MCUB: variants seen among roughly 807,000 people sequenced by gnomAD.
MCUB encodes mitochondrial calcium uniporter dominant negative subunit beta.
In MCUB, 46 loss-of-function variants were observed where a neutral mutation model predicts 41.4. The observed-to-expected ratio is 1.11, with a 90% CI of 0.88 to 1.42. MCUB has a LOEUF of 1.42. MCUB is among the 40% of genes most tolerant of loss of function. The pLI, the probability that MCUB is intolerant of heterozygous loss-of-function variation, is 0.00. For synonymous variants in MCUB, 148 were observed against 148.2 expected, an observed-to-expected ratio of 1.00 and a Z score of 0.01; for missense variants, 403 against 404.9, an observed-to-expected ratio of 1.00 and a Z score of 0.04.
intron 1 of MCUB, 24 bp from the exon 2 acceptor site, chr4:109,658,987 C>G (rs1204467808): frequency 7.4e-7 from 1 of 1,352,336 alleles, no homozygotes. Context: ...TTTAAAAAAA[C>G]AAATTAATTT....
rs949843308 is a variant in MCUB at position 109,610,967 on chromosome 4, A to C, written c.100-48044A>C. Among the ~76,000 whole-genome samples, 3 of 152,204 alleles carry C rather than the reference A, an allele frequency of 2.0e-5. No individual in the cohort carries two copies. In the South Asian group the frequency reaches 6.2e-4, roughly 31 times the overall value. The stretch of plus-strand genomic sequence containing the variant: ...TGATGAGAATCAATGGAAATTTTGT[A>C]TGTGGGTGGCAGGTTTCACCCCATA... On this transcript the variant is annotated intron_variant, in intron 1 of 7. Coordinates refer to ENST00000394650, the MANE Select transcript of MCUB (RefSeq NM_017918.5).
At chr4:109,599,358 TTA>T in intron 1 of MCUB, among the ~76,000 whole-genome samples, 1 of 151,744 alleles carries the variant, frequency 6.6e-6, no homozygotes, top group African/African-American at 2.4e-5. Context: ...ATCTTGGGAG[TTA>T]TGAAGACCAC....
At chr4:109,643,312 G>A (rs796199847) in intron 1 of MCUB, among the ~76,000 whole-genome samples, 46 of 151,134 alleles carry the variant, frequency 3.0e-4, no homozygotes, top group African/African-American at 1.0e-3. Context: ...AGCCTCCTGA[G>A]TAGCTGGGAT....
At chr4:109,574,540 C>T (rs1238530066) in intron 1 of MCUB, among the ~76,000 whole-genome samples, 1 of 152,170 alleles carries the variant, frequency 6.6e-6, no homozygotes, top group East Asian at 1.9e-4. Context: ...AAAATCTTTT[C>T]CTCCGTCAGT....
chr4:109,598,455 G>T (rs1000205720), intron 1 of MCUB, among the ~76,000 whole-genome samples: 1 of 151,870 alleles, frequency 6.6e-6, no homozygotes, highest in South Asian at 2.1e-4. Context: ...AACCAGTCAG[G>T]CGTGGCAGCG....
intron 1 of MCUB, among the ~76,000 whole-genome samples, chr4:109,608,758 C>G (rs1329649120): frequency 6.6e-6 from 1 of 152,116 alleles, no homozygotes; most frequent in African/African-American, 2.4e-5. Flanking sequence ...GCCTTGGCTT[C>G]CCAAAGTTCT....
intron 4 of MCUB, among the ~76,000 whole-genome samples, chr4:109,672,070 A>G (rs1181482237): frequency 6.6e-6 from 1 of 151,794 alleles, no homozygotes; most frequent in Non-Finnish European, 1.5e-5. Context: ...CTATAATCTT[A>G]TTATTAAATA....
At position 109,560,322 on chromosome 4, in the gene MCUB, C is replaced by T; in HGVS notation, c.-16C>T. The T allele has an allele frequency of 2.4e-6, 3 of 1,225,610 alleles. No homozygotes were observed. The highest frequency in any genetic ancestry group is 3.1e-6 in the Non-Finnish European group (3 of 975,502). 75.9% of individuals were successfully genotyped at this position (1,225,610 alleles called of 1,614,324 possible). On this transcript the variant is annotated 5_prime_UTR_variant, in exon 1 of 8. Coordinates refer to ENST00000394650, the MANE Select transcript of MCUB (RefSeq NM_017918.5). ...GCCGCTGACGCCTGCGGGAGCCGCG[C>T]GCCTGGGGCGGGAGGATGCTCCAGA...
rs144598109 is a variant in MCUB at position 109,646,060 on chromosome 4, G to C, written c.100-12951G>C. 2.5e-3 allele frequency among the ~76,000 whole-genome samples: 378 copies of C among 151,870 alleles called. 1 individual carries two copies. The highest frequency in any genetic ancestry group is 0.017 in the South Asian group (82 of 4,790). On this transcript the variant is annotated intron_variant, in intron 1 of 7. Transcript: ENST00000394650. ...CTGCCCCATTCATGTGCTCCCCTTA[G>C]CCAAACTTTTCAGTTCATCTAGAGT... is the stretch of plus-strand genomic sequence containing the variant.
intron 1 of MCUB, among the ~76,000 whole-genome samples, chr4:109,563,060 G>T (rs1726679261): frequency 6.6e-6 from 1 of 152,244 alleles, no homozygotes; most frequent in Non-Finnish European, 1.5e-5. Flanking sequence ...CTGAGTGGTT[G>T]TCAGGGCAAT....
At chr4:109,619,992 C>G (rs1049207986) in intron 1 of MCUB, among the ~76,000 whole-genome samples, 3 of 152,100 alleles carry the variant, frequency 2.0e-5, no homozygotes, top group Non-Finnish European at 4.4e-5. Context: ...CCCATCCCTG[C>G]CTGCCTAACT....
intron 1 of MCUB, among the ~76,000 whole-genome samples, chr4:109,656,088 T>TATCA (rs1313339154): frequency 6.6e-6 from 1 of 152,178 alleles, no homozygotes; most frequent in Non-Finnish European, 1.5e-5. Context: ...CCTGCAACTT[T>TATCA]ATCAGTATAT....
At chr4:109,628,358 G>C (rs983742394) in intron 1 of MCUB, among the ~76,000 whole-genome samples, 1 of 152,236 alleles carries the variant, frequency 6.6e-6, no homozygotes, top group Non-Finnish European at 1.5e-5. Flanking sequence ...ACAAGGCAGA[G>C]ATTTAATTCT....
chr4:109,632,739 C>A (rs1045488784), intron 1 of MCUB, among the ~76,000 whole-genome samples: 12 of 151,746 alleles, frequency 7.9e-5, no homozygotes, highest in African/African-American at 2.9e-4. Context: ...CTCAGCCTCC[C>A]AAGTAGCTGG....
intron 1 of MCUB, among the ~76,000 whole-genome samples, chr4:109,581,814 C>G (rs1727183211): frequency 6.6e-6 from 1 of 152,128 alleles, no homozygotes; most frequent in African/African-American, 2.4e-5. Flanking sequence ...AAATGGAAAT[C>G]AAAACCACAG....
Position 109,560,298 on chromosome 4 carries a change from C to T in MCUB, c.-40C>T. ...AGGAGCCCGGCTGAGGGAGGATGCG[C>T]CGCTGACGCCTGCGGGAGCCGCGCG... On this transcript the variant is annotated 5_prime_UTR_variant, in exon 1 of 8. Coordinates refer to ENST00000394650, the MANE Select transcript of MCUB (RefSeq NM_017918.5). The T allele has an allele frequency of 9.5e-7, 1 of 1,055,240 alleles. No homozygotes were observed. The highest frequency in any genetic ancestry group is 4.0e-5 in the South Asian group (1 of 25,132). 65.4% of individuals were successfully genotyped at this position (1,055,240 alleles called of 1,614,324 possible). A position where few individuals can be genotyped will look rare whatever the true frequency, so the allele number is the denominator to read the frequency against.
chr4:109,594,779 CTTTTTT>C (rs566721839), intron 1 of MCUB, among the ~76,000 whole-genome samples: 1 of 143,734 alleles, frequency 7.0e-6, no homozygotes, highest in Non-Finnish European at 1.5e-5. Context: ...AATTCTCTTT[CTTTTTT>C]TTTTTTTAAG....
intron 5 of MCUB, chr4:109,683,011 C>T: frequency 6.7e-6 from 2 of 297,394 alleles, no homozygotes; most frequent in Non-Finnish European, 1.2e-5. Context: ...CTATGCCATG[C>T]CTCCTCTCCA....
intron 1 of MCUB, among the ~76,000 whole-genome samples, chr4:109,605,588 T>C (rs1727851813): frequency 6.6e-6 from 1 of 152,222 alleles, no homozygotes; most frequent in Non-Finnish European, 1.5e-5. Context: ...CTTGATTGAT[T>C]TTCTGTCTGG....
Sources: allele counts gnomAD v4.1 joint callset (sites outside exome capture counted in the v4.1 genomes callset), GRCh38; gene constraint gnomAD v4.1.1; transcripts MANE v1.5; gene names NCBI Gene and HGNC (gene_info 2026-07-23, HGNC 2026-07-21).